The following KCNQ1 variants were observed in gnomAD, a reference collection of about 807,000 sequenced individuals.
The protein encoded by KCNQ1 is potassium voltage-gated channel subfamily KQT member 1.
KCNQ1 carries 49 observed loss-of-function variants against 72.4 expected under a neutral mutation model. The observed-to-expected ratio is 0.68, with a 90% CI of 0.54 to 0.86. The LOEUF (loss-of-function observed/expected upper bound fraction) is 0.86, where lower values mean the gene tolerates loss of function less well. Ranked by LOEUF, KCNQ1 falls within the 40% of genes least tolerant of loss-of-function variation. The pLI is 0.00. For missense variants in KCNQ1, 790 were observed against 945.1 expected (o/e 0.84, Z 2.15); for synonymous variants, 450 against 412.6 (o/e 1.09, Z -1.10).
Position 2,679,394 on chromosome 11 carries a change from T to C in KCNQ1, c.1514+17313T>C, listed in dbSNP as rs1263042293. 1.3e-5 allele frequency: 5 copies of C among 398,524 alleles called. No individual in the cohort carries two copies. The highest frequency in any genetic ancestry group is 2.1e-5 in the African/African-American group (1 of 48,644). 24.7% of individuals were successfully genotyped at this position (398,524 alleles called of 1,614,324 possible). A position where few individuals can be genotyped will look rare whatever the true frequency, so the allele number is the denominator to read the frequency against. The stretch of plus-strand genomic sequence containing the variant: ...CACTTAGTCTCAGTTTCTTTATTTG[T>C]AAAATGGGAATCATAAGAGTACCTT... On this transcript the variant is annotated intron_variant, in intron 11 of 15. Coordinates refer to ENST00000155840, the MANE Select transcript of KCNQ1 (RefSeq NM_000218.3). The surrounding 1 kb of genome is among the most constrained non-coding windows in gnomAD (Gnocchi z 4.8).
chr11:2,513,475 G>A (rs993970521), intron 1 of KCNQ1, among the ~76,000 whole-genome samples: 1 of 152,154 alleles, frequency 6.6e-6, no homozygotes, highest in Non-Finnish European at 1.5e-5. Flanking sequence ...AGCCTAGGGG[G>A]TCTTGGGCCC....
At chr11:2,811,417 G>A (rs1847483014) in intron 15 of KCNQ1, among the ~76,000 whole-genome samples, 1 of 152,262 alleles carries the variant, frequency 6.6e-6, no homozygotes, top group Admixed American at 6.5e-5. Context: ...GGTCACTTGA[G>A]CAATGGCTGC....
At chr11:2,681,946 A>G (rs771463443) in intron 11 of KCNQ1, 60 of 398,594 alleles carry the variant, frequency 1.5e-4, no homozygotes, top group Middle Eastern at 6.3e-4. Context: ...TTCAAATGAT[A>G]CTACTACTTA....
chr11:2,817,480 C>G lies in KCNQ1; in HGVS notation c.1795-30287C>G, dbSNP rs1216894354. Among the ~76,000 whole-genome samples the G allele has an allele frequency of 6.6e-6, 1 of 152,130 alleles. No homozygotes were observed. Among genetic ancestry groups the G allele is most frequent in the African/African-American group, 2.4e-5 (1 of 41,416 alleles). On this transcript the variant is annotated intron_variant, in intron 15 of 15. Transcript: ENST00000155840. The surrounding 1 kb of genome is among the most constrained non-coding windows in gnomAD (Gnocchi z 6.1). ...GCCACCCCAGCAGTCAGGGAAGGAC[C>G]TGCTGGGGCATTTCAGATCCTGAGC...
chr11:2,705,370 A>T (rs555680625), intron 11 of KCNQ1, among the ~76,000 whole-genome samples: 1 of 152,126 alleles, frequency 6.6e-6, no homozygotes, highest in Admixed American at 6.5e-5. Context: ...TGCTCAGCCA[A>T]GCCTTGATTA....
In KCNQ1 at chr11:2,691,194, T is replaced by C. The variant is rs955430161; in HGVS notation, c.1514+29113T>C. ...GGGAGGGGTGCTCAGAGCTCAGCTG[T>C]GTTTAAAAATTAGCAAGTGGAGGAG... On this transcript the variant is annotated intron_variant, in intron 11 of 15. Transcript: ENST00000155840. The surrounding 1 kb of genome is among the most constrained non-coding windows in gnomAD (Gnocchi z 6.4). 2 of 398,634 alleles carry C rather than the reference T, an allele frequency of 5.0e-6. No homozygotes were observed. The highest frequency in any genetic ancestry group is 8.8e-6 in the Non-Finnish European group (2 of 226,100). The allele number at this position is 398,634 out of a possible 1,614,324, so 24.7% of individuals were successfully genotyped here. A position where few individuals can be genotyped will look rare whatever the true frequency, so the allele number is the denominator to read the frequency against.
chr11:2,581,009 G>A (rs1214734675), intron 6 of KCNQ1, among the ~76,000 whole-genome samples: 1 of 152,232 alleles, frequency 6.6e-6, no homozygotes, highest in Non-Finnish European at 1.5e-5. Context: ...ACAGGTCTGA[G>A]GGATGAATAG....
chr11:2,662,079 A>G lies in KCNQ1; in HGVS notation c.1512A>G (p.Ser504=). The change falls in exon 11 of 16, where the codon TCA becomes TCG. Residue 504 remains serine (S), a splice_region_variant and synonymous_variant. Transcript: ENST00000155840. ...ETLLTPITHI[S]QLREHHRATI... The stretch of plus-strand genomic sequence containing the variant: ...TGCTGACACCCATCACCCACATCTC[A>G]CAGTGAGTGCCTACATGTGCGTGAA... The G allele has an allele frequency of 6.3e-7, 1 of 1,588,094 alleles. No individual in the cohort carries two copies.
At chr11:2,786,783 T>C (rs1846923404) in intron 15 of KCNQ1, among the ~76,000 whole-genome samples, 1 of 152,114 alleles carries the variant, frequency 6.6e-6, no homozygotes, top group Non-Finnish European at 1.5e-5. Flanking sequence ...CGTATCTTCC[T>C]CTTTACTTGC....
intron 1 of KCNQ1, among the ~76,000 whole-genome samples, chr11:2,505,352 GA>G (rs1258855309): frequency 6.6e-6 from 1 of 152,062 alleles, no homozygotes; most frequent in Non-Finnish European, 1.5e-5. Flanking sequence ...TCCTTTGTAT[GA>G]CTGGCATCTT....
At chr11:2,733,852 T>TCG (rs1564875411) in intron 11 of KCNQ1, among the ~76,000 whole-genome samples, 4 of 31,604 alleles carry the variant, frequency 1.3e-4, no homozygotes, top group African/African-American at 9.7e-4. Flanking sequence ...TCTCTCTCTC[T>TCG]CTCTCCCCCC....
chr11:2,726,332 G>A (rs1230887762), intron 11 of KCNQ1, among the ~76,000 whole-genome samples: 2 of 152,242 alleles, frequency 1.3e-5, no homozygotes, highest in East Asian at 1.9e-4. Context: ...CCCTGGATGG[G>A]TTTGGGGGAA....
intron 11 of KCNQ1, among the ~76,000 whole-genome samples, chr11:2,761,630 G>A (rs1458926730): frequency 6.6e-6 from 1 of 152,304 alleles, no homozygotes; most frequent in Admixed American, 6.5e-5. Context: ...CCCATCCCAG[G>A]CCTCGCCCAA....
rs926445854 is a variant in KCNQ1, at chr11:2,564,493, G to C, written c.478-6135G>C. 6.6e-6 allele frequency among the ~76,000 whole-genome samples: 1 copy of C among 152,166 alleles called. No homozygotes were observed. The highest frequency in any genetic ancestry group is 1.5e-5 in the Non-Finnish European group (1 of 68,036). On this transcript the variant is annotated intron_variant, in intron 2 of 15. Transcript: ENST00000155840. The surrounding 1 kb of genome is among the most constrained non-coding windows in gnomAD (Gnocchi z 4.5). ...TGCCTCTAATCCAGCTACTCAGGGG[G>C]CTGAGGCAGGAGAATCACTTGAACC... is the stretch of plus-strand genomic sequence containing the variant.
chr11:2,795,085 C>A (rs1385005609), intron 15 of KCNQ1, among the ~76,000 whole-genome samples: 1 of 152,188 alleles, frequency 6.6e-6, no homozygotes, highest in Non-Finnish European at 1.5e-5. Flanking sequence ...TAACTCGCCA[C>A]CTCCTCCCAC....
chr11:2,800,632 G>A (rs1847243855), intron 15 of KCNQ1, among the ~76,000 whole-genome samples: 1 of 152,212 alleles, frequency 6.6e-6, no homozygotes. Flanking sequence ...TTCCAAGCTT[G>A]AAGTGGAAAG....
In KCNQ1 at chr11:2,704,627, A is replaced by G. The variant is rs1211787746; in HGVS notation, c.1514+42546A>G. Among the ~76,000 whole-genome samples, 1 of 152,200 alleles carries G rather than the reference A, an allele frequency of 6.6e-6. No homozygotes were observed. Among genetic ancestry groups the G allele is most frequent in the Non-Finnish European group, 1.5e-5 (1 of 68,026 alleles). ...GCTGAACAGAGAGAGAACTGAAGAG[A>G]GGCAGCAGGGTGAGGGGGAAGACTA... On this transcript the variant is annotated intron_variant, in intron 11 of 15. Coordinates refer to ENST00000155840, the MANE Select transcript of KCNQ1 (RefSeq NM_000218.3). This position sits in a 1 kb window ranked among gnomAD's most constrained non-coding sequence, Gnocchi z 4.3.
chr11:2,720,453 G>A lies in KCNQ1; in HGVS notation c.1515-48391G>A, dbSNP rs1459453838. On this transcript the variant is annotated intron_variant, in intron 11 of 15. Coordinates refer to ENST00000155840, the MANE Select transcript of KCNQ1 (RefSeq NM_000218.3). This position sits in a 1 kb window ranked among gnomAD's most constrained non-coding sequence, Gnocchi z 5.1. ...GGAGGAAGCTGCTGGCCTCAAGAAG[G>A]CCTCTCGAAGCAGAGGCAGCCCCCT... Among the ~76,000 whole-genome samples the A allele has an allele frequency of 6.6e-6, 1 of 152,136 alleles. No individual in the cohort carries two copies. The highest frequency in any genetic ancestry group is 1.5e-5 in the Non-Finnish European group (1 of 68,034).
In KCNQ1 at chr11:2,492,218, T is replaced by TC. The variant is rs1846847240; in HGVS notation, c.387-35710_387-35709insC. On this transcript the variant is annotated intron_variant, in intron 1 of 15. Transcript: ENST00000155840. The surrounding 1 kb of genome is among the most constrained non-coding windows in gnomAD (Gnocchi z 4.1). ...AATTATGGTGTGTAAACTACTCATA[T>TC]ATTAAGTAGAAGGATGAAAAGAAGA... Among the ~76,000 whole-genome samples, 1 of 152,100 alleles carries TC rather than the reference T, an allele frequency of 6.6e-6. No individual in the cohort carries two copies. The highest frequency in any genetic ancestry group is 2.1e-4 in the South Asian group (1 of 4,824).
Sources: allele counts gnomAD v4.1 joint callset (sites outside exome capture counted in the v4.1 genomes callset), GRCh38; gene constraint gnomAD v4.1.1; non-coding constraint Gnocchi (gnomAD v3.1); transcripts MANE v1.5; gene names NCBI Gene and HGNC (gene_info 2026-07-23, HGNC 2026-07-21).